NCKAP5: variants seen among roughly 807,000 people sequenced by gnomAD.
NCKAP5 encodes the protein NCK associated protein 5.
A neutral mutation model predicts 167.0 loss-of-function variants in NCKAP5; 92 were observed. The observed-to-expected ratio is 0.55, with a 90% CI of 0.47 to 0.66. The LOEUF (loss-of-function observed/expected upper bound fraction) is 0.66. NCKAP5 is among the 30% of genes least tolerant of loss of function. The probability of loss-of-function intolerance (pLI) is 0.00; values close to 1 mark genes in which losing one functional copy is unlikely to be tolerated. For synonymous variants in NCKAP5, 891 were observed against 877.4 expected, an observed-to-expected ratio of 1.02 and a Z score of -0.27; for missense variants, 2,378 against 2,315.0, an observed-to-expected ratio of 1.03 and a Z score of -0.56.
chr2:133,207,353 T>C (rs1015717030), intron 5 of NCKAP5, among the ~76,000 whole-genome samples: 9 of 152,190 alleles, frequency 5.9e-5, no homozygotes, highest in Non-Finnish European at 1.5e-5. Context: ...GATATATGTG[T>C]ATTGAGATTT....
intron 8 of NCKAP5, among the ~76,000 whole-genome samples, chr2:132,921,595 C>T (rs951879367): frequency 2.0e-5 from 3 of 152,178 alleles, no homozygotes; most frequent in Non-Finnish European, 2.9e-5. Flanking sequence ...TCTTTGATAG[C>T]TCAGAGAAGG....
chr2:133,006,376 C>T (rs2077968035), intron 6 of NCKAP5, among the ~76,000 whole-genome samples: 1 of 152,216 alleles, frequency 6.6e-6, no homozygotes, highest in African/African-American at 2.4e-5. Context: ...ATGTAGCTCA[C>T]TTTGCATTTC....
chr2:132,916,502 T>C (rs1280668443), intron 8 of NCKAP5, among the ~76,000 whole-genome samples: 1 of 152,086 alleles, frequency 6.6e-6, no homozygotes, highest in African/African-American at 2.4e-5. Flanking sequence ...CCCATTAAAA[T>C]AGGAAGAGGC....
intron 8 of NCKAP5, among the ~76,000 whole-genome samples, chr2:132,901,290 ACT>A (rs1693607980): frequency 6.6e-6 from 1 of 152,202 alleles, no homozygotes; most frequent in Admixed American, 6.5e-5. Flanking sequence ...GCTGAGTTCC[ACT>A]TAGGTTTTGT....
intron 5 of NCKAP5, among the ~76,000 whole-genome samples, chr2:133,206,778 G>A (rs115561048): frequency 0.052 from 7,945 of 152,118 alleles, 647 homozygotes; most frequent in African/African-American, 0.18. Flanking sequence ...GAGAAATATC[G>A]CTGAATTCTC....
chr2:132,812,596 G>C (rs1233103679), intron 11 of NCKAP5, among the ~76,000 whole-genome samples: 1 of 152,154 alleles, frequency 6.6e-6, no homozygotes, highest in Non-Finnish European at 1.5e-5. Context: ...TATGCTGTGG[G>C]AACTCTCGGC....
chr2:133,249,236 A>T (rs931799510), intron 4 of NCKAP5, among the ~76,000 whole-genome samples: 3 of 152,164 alleles, frequency 2.0e-5, no homozygotes, highest in African/African-American at 7.2e-5. Flanking sequence ...TTTTTTTGGC[A>T]GGGCTCAATG....
chr2:132,950,918 GA>G (rs563128272), intron 8 of NCKAP5, among the ~76,000 whole-genome samples: 3 of 149,730 alleles, frequency 2.0e-5, no homozygotes, highest in Non-Finnish European at 4.5e-5. Flanking sequence ...AACAGAAACA[GA>G]AAAAAAAATG....
At chr2:133,143,960 A>G (rs2083093905) in intron 5 of NCKAP5, among the ~76,000 whole-genome samples, 1 of 152,042 alleles carries the variant, frequency 6.6e-6, no homozygotes, top group African/African-American at 2.4e-5. Context: ...GGTCTAGTAA[A>G]CTTTCATCGC....
At chr2:132,767,112 T>C (rs1681567688) in intron 16 of NCKAP5, among the ~76,000 whole-genome samples, 1 of 152,174 alleles carries the variant, frequency 6.6e-6, no homozygotes, top group Non-Finnish European at 1.5e-5. Flanking sequence ...AACTCTTTTT[T>C]CCCCGGCAAT....
At chr2:133,080,202 G>T (rs1285368641) in intron 6 of NCKAP5, among the ~76,000 whole-genome samples, 2 of 152,062 alleles carry the variant, frequency 1.3e-5, no homozygotes, top group Non-Finnish European at 2.9e-5. Context: ...TCCAGAATAA[G>T]TATTACTTTT....
chr2:132,965,084 C>T (rs184686490), intron 7 of NCKAP5, among the ~76,000 whole-genome samples: 26 of 152,240 alleles, frequency 1.7e-4, no homozygotes, highest in African/African-American at 6.0e-4. Flanking sequence ...ACCACAAAGT[C>T]AGTGAATTCA....
At chr2:133,162,059 G>A (rs6744186) in intron 5 of NCKAP5, among the ~76,000 whole-genome samples, 21,469 of 152,124 alleles carry the variant, frequency 0.14, 1,691 homozygotes, top group East Asian at 0.39. Context: ...ACTCATTCTT[G>A]GCCTTTTCTG....
intron 3 of NCKAP5, among the ~76,000 whole-genome samples, chr2:133,364,183 G>A (rs972103744): frequency 2.1e-4 from 32 of 152,122 alleles, no homozygotes; most frequent in African/African-American, 6.5e-4. Context: ...CTGGTAAGTG[G>A]CAGAGCTGGA....
At position 133,352,187 on chromosome 2, in the gene NCKAP5, C is replaced by A. The variant is rs972695538; in HGVS notation, c.70-49077G>T. Among the ~76,000 whole-genome samples the A allele has an allele frequency of 7.2e-5, 11 of 152,284 alleles. No individual in the cohort carries two copies. In the South Asian group the frequency reaches 8.3e-4, roughly 11 times the overall value. Reference sequence around the variant, plus strand: ...AACCAACAACCTTCACACTCTGTATCCCCCTCCCTGTTTTATTTCTCCATA... The same window carrying A: ...AACCAACAACCTTCACACTCTGTATACCCCTCCCTGTTTTATTTCTCCATA... On this transcript the variant is annotated intron_variant, in intron 3 of 19. Transcript: ENST00000409261.
At chr2:133,195,614 A>G (rs10194766) in intron 5 of NCKAP5, among the ~76,000 whole-genome samples, 14,747 of 152,172 alleles carry the variant, frequency 0.097, 2,357 homozygotes, top group African/African-American at 0.33. Flanking sequence ...TGTAGAAATC[A>G]AGATAATTAC....
chr2:132,838,025 T>C (rs190883522), intron 11 of NCKAP5, among the ~76,000 whole-genome samples: 115 of 152,318 alleles, frequency 7.5e-4, no homozygotes, highest in African/African-American at 2.5e-3. Context: ...TGATCCCTGT[T>C]ACTCTGGCCT....
chr2:133,645,756 G>T, the NCKAP5 span, among the ~76,000 whole-genome samples: 1 of 152,086 alleles, frequency 6.6e-6, no homozygotes, highest in African/African-American at 2.4e-5. Flanking sequence ...ATTTGCATTA[G>T]TAGTAATAAG....
chr2:133,151,188 T>G (rs1051316559), intron 5 of NCKAP5, among the ~76,000 whole-genome samples: 69 of 152,114 alleles, frequency 4.5e-4, no homozygotes, highest in African/African-American at 1.7e-3. Context: ...CAATAAAAAG[T>G]TTTTTTAAAA....
Sources: allele counts gnomAD v4.1 joint callset (sites outside exome capture counted in the v4.1 genomes callset), GRCh38; gene constraint gnomAD v4.1.1; transcripts MANE v1.5; gene names NCBI Gene and HGNC (gene_info 2026-07-23, HGNC 2026-07-21).